CYGB: variants seen among roughly 807,000 people sequenced by gnomAD.
The protein encoded by CYGB is histoglobin.
CYGB carries 13 observed loss-of-function variants against 20.7 expected under a neutral mutation model. That is an observed-to-expected ratio of 0.63 (90% CI 0.41 to 1.00). The LOEUF is 1.00. Among genes scored for constraint, CYGB ranks in the 50% least tolerant of loss-of-function variants. The probability of loss-of-function intolerance (pLI) is 0.00; values close to 1 mark genes in which losing one functional copy is unlikely to be tolerated. For synonymous variants in CYGB, 93 were observed against 107.4 expected, an observed-to-expected ratio of 0.87 and a Z score of 0.83; for missense variants, 218 against 257.2, an observed-to-expected ratio of 0.85 and a Z score of 1.04.
chr17:76,537,305 T>C, intron 1 of CYGB, 95 bp downstream of exon 1: 1 of 1,330,700 alleles, frequency 7.5e-7, no homozygotes, highest in East Asian at 3.2e-5. Context: ...GCTGGGGAGG[T>C]GGCGCTGGAG....
At chr17:76,529,647 G>C (rs963904131) in intron 3 of CYGB, 64 of 985,276 alleles carry the variant, frequency 6.5e-5, no homozygotes, top group Non-Finnish European at 7.6e-5. Flanking sequence ...GGGGAGAGGG[G>C]TGGGAGGGCA....
chr17:76,545,350 G>A (rs976174867), intron 1 of CYGB: 1 of 456,716 alleles, frequency 2.2e-6, no homozygotes, highest in Middle Eastern at 3.3e-4. Context: ...TTAAATGGGG[G>A]AATTAAATCC....
chr17:76,543,822 C>T (rs377242069), intron 1 of CYGB: 2 of 471,096 alleles, frequency 4.2e-6, no homozygotes. Context: ...CTCATCCTGT[C>T]ACTGGCTGCT....
upstream of CYGB, chr17:76,537,725 T>C: frequency 3.4e-6 from 1 of 294,438 alleles, no homozygotes; most frequent in Non-Finnish European, 4.9e-6. Context: ...TGCGTGCGTG[T>C]GTGCAGGGTA....
At chr17:76,544,240 C>G (rs144319284) in intron 1 of CYGB, 124 of 454,466 alleles carry the variant, frequency 2.7e-4, no homozygotes, top group Non-Finnish European at 4.2e-4. Context: ...AGCCAGCCCC[C>G]CTCCCAGCCC....
chr17:76,537,282 G>T, intron 1 of CYGB, 118 bp downstream of exon 1: 1 of 1,193,680 alleles, frequency 8.4e-7, no homozygotes, highest in Non-Finnish European at 1.1e-6. Flanking sequence ...ACCTCGGACC[G>T]GCCCCATTCG....
At position 76,531,522 on chromosome 17, in the gene CYGB, C is replaced by G. The variant is rs1026660466; in HGVS notation, c.313G>C (p.Val105Leu). The G allele has an allele frequency of 6.2e-7, 1 of 1,613,982 alleles. No homozygotes were observed. Among genetic ancestry groups the G allele is most frequent in the Admixed American group, 1.7e-5 (1 of 60,006 alleles). Residue 105 changes from valine (V) to leucine (L), a missense_variant, in exon 2 of 4, where the codon GTG becomes CTG. Val to Leu is a conservative substitution (Grantham distance 32). Coordinates refer to ENST00000293230, the MANE Select transcript of CYGB (RefSeq NM_134268.5). This position sits in a 1 kb window ranked among gnomAD's most constrained non-coding sequence, Gnocchi z 7.4. ...TGGGCTTTCCCCACAAGGGCGAGCACAGAGGACACCTTGTCGGGGTCATGC... is the reference window on the plus strand; with the variant it reads ...TGGGCTTTCCCCACAAGGGCGAGCAGAGAGGACACCTTGTCGGGGTCATGC... Reference protein sequence around the residue: ...NLHDPDKVSSVLALVGKAHAL... With the variant: ...NLHDPDKVSSLLALVGKAHAL...
In CYGB at chr17:76,527,745, C is replaced by G. The variant is rs144615545; in HGVS notation, c.*833G>C. On this transcript the variant is annotated 3_prime_UTR_variant, in exon 4 of 4. Coordinates refer to ENST00000293230, the MANE Select transcript of CYGB (RefSeq NM_134268.5). ...TGGTGGCCAAGGCAGGTGGAGCTAGCGGTCGAGGTTTCTGGACTGAGGCCC... is the reference window on the plus strand; with the variant it reads ...TGGTGGCCAAGGCAGGTGGAGCTAGGGGTCGAGGTTTCTGGACTGAGGCCC... 4.4e-6 allele frequency: 2 copies of G among 453,878 alleles called. No homozygotes were observed. The highest frequency in any genetic ancestry group is 4.0e-5 in the African/African-American group (2 of 49,952). 28.1% of individuals were successfully genotyped at this position (453,878 alleles called of 1,614,324 possible).
chr17:76,527,691 C>G lies in CYGB; in HGVS notation c.*887G>C. 1 of 453,992 alleles carries G rather than the reference C, an allele frequency of 2.2e-6. No individual in the cohort carries two copies. Among genetic ancestry groups the G allele is most frequent in the Non-Finnish European group, 4.4e-6 (1 of 226,722 alleles). The allele number at this position is 453,992 out of a possible 1,614,324, so 28.1% of individuals were successfully genotyped here. ...GCATGTGGTCCCGCCGACCTGCTGC[C>G]CAGCAGCCCGGATCCCCCGGGGCTG... On this transcript the variant is annotated 3_prime_UTR_variant, in exon 4 of 4. Transcript: ENST00000293230.
intron 1 of CYGB, among the ~76,000 whole-genome samples, chr17:76,534,168 C>CTCTCTT (rs2074887538): frequency 4.1e-5 from 6 of 146,548 alleles, no homozygotes; most frequent in Non-Finnish European, 8.9e-5. Flanking sequence ...CTCTCTCTCT[C>CTCTCTT]TCTCTCTCTT....
At position 76,529,013 on chromosome 17, in the gene CYGB, C is replaced by T. The variant is rs955552268; in HGVS notation, c.540-402G>A. 37 of 995,132 alleles carry T rather than the reference C, an allele frequency of 3.7e-5. No homozygotes were observed. In the African/African-American group the frequency reaches 5.0e-4, roughly 14 times the overall value. The allele number at this position is 995,132 out of a possible 1,614,324, so 61.6% of individuals were successfully genotyped here. ...CCACCCATCTGTATTCTCGTATTCT[C>T]GGTACACACAGCGCCCCCTGCAGTC... On this transcript the variant is annotated intron_variant, in intron 3 of 3. Coordinates refer to ENST00000293230, the MANE Select transcript of CYGB (RefSeq NM_134268.5).
At chr17:76,537,218 G>A (rs1404787327) in intron 1 of CYGB, among the ~76,000 whole-genome samples, 182 bp downstream of exon 1, 2 of 152,188 alleles carry the variant, frequency 1.3e-5, no homozygotes, top group Non-Finnish European at 2.9e-5. Flanking sequence ...AGCCAGGGAA[G>A]GCTCAACCCA....
chr17:76,529,003 C>A, intron 3 of CYGB: 1 of 1,000,864 alleles, frequency 1.0e-6, no homozygotes, highest in Non-Finnish European at 1.2e-6. Context: ...CATCTGTATT[C>A]TCGTATTCTC....
chr17:76,529,801 G>T, intron 3 of CYGB: 1 of 985,316 alleles, frequency 1.0e-6, no homozygotes, highest in Non-Finnish European at 1.2e-6. Context: ...GTTTCCCATT[G>T]ACTCCCAGGT....
At chr17:76,548,250 TCA>T (rs1567915874) in intron 1 of CYGB, among the ~76,000 whole-genome samples, 1 of 151,276 alleles carries the variant, frequency 6.6e-6, no homozygotes, top group South Asian at 2.1e-4. Flanking sequence ...ATACACACAG[TCA>T]CACACACAGA....
Position 76,531,396 on chromosome 17 carries a change from T to C in CYGB, c.375+64A>G. 1 of 1,553,358 alleles carries C rather than the reference T, an allele frequency of 6.4e-7. No individual in the cohort carries two copies. Among genetic ancestry groups the C allele is most frequent in the Non-Finnish European group, 8.8e-7 (1 of 1,136,726 alleles). On this transcript the variant is annotated intron_variant, in intron 2 of 3. Coordinates refer to ENST00000293230, the MANE Select transcript of CYGB (RefSeq NM_134268.5). The surrounding 1 kb of genome is among the most constrained non-coding windows in gnomAD (Gnocchi z 7.4). Reference sequence around the variant, plus strand: ...TGCTCCAGAGAGCCGTCGCAGAGCCTGCGAGCTGCAGATGGCCATGACGCG... The same window carrying C: ...TGCTCCAGAGAGCCGTCGCAGAGCCCGCGAGCTGCAGATGGCCATGACGCG...
chr17:76,539,992 C>T (rs550914395), upstream of CYGB: 42 of 782,148 alleles, frequency 5.4e-5, no homozygotes, highest in South Asian at 6.3e-4. Context: ...GGGCCGCTGA[C>T]CCACTAATCA....
Position 76,528,184 on chromosome 17 carries a change from T to G in CYGB, c.*394A>C, listed in dbSNP as rs141338592. 4.2e-3 allele frequency: 1,688 copies of G among 397,292 alleles called. 24 individuals carry two copies. The highest frequency in any genetic ancestry group is 0.031 in the African/African-American group (1,482 of 48,572). The allele number at this position is 397,292 out of a possible 1,614,324, so 24.6% of individuals were successfully genotyped here. On this transcript the variant is annotated 3_prime_UTR_variant, in exon 4 of 4. Coordinates refer to ENST00000293230, the MANE Select transcript of CYGB (RefSeq NM_134268.5). The surrounding 1 kb of genome is among the most constrained non-coding windows in gnomAD (Gnocchi z 5.8). ...ATATAGAATATATCTGTATATATGG[T>G]AGATGTGTGCGTGATACTCTAGATG...
rs973102664 is a variant in CYGB, at chr17:76,533,289, A to G, written c.144-1598T>C. Among the ~76,000 whole-genome samples, 1 of 152,184 alleles carries G rather than the reference A, an allele frequency of 6.6e-6. No individual in the cohort carries two copies. Among genetic ancestry groups the G allele is most frequent in the Non-Finnish European group, 1.5e-5 (1 of 68,036 alleles). On this transcript the variant is annotated intron_variant, in intron 1 of 3. Coordinates refer to ENST00000293230, the MANE Select transcript of CYGB (RefSeq NM_134268.5). This position sits in a 1 kb window ranked among gnomAD's most constrained non-coding sequence, Gnocchi z 4.5. ...CCCCCGCTCACTGCTTCATGGATAC[A>G]CGGGTGAGGACACGTGAGGCGACGG...
Sources: gnomAD v4.1 joint callset for allele counts (sites outside exome capture counted in the v4.1 genomes callset) on GRCh38, gnomAD v4.1.1 for gene constraint, Gnocchi (gnomAD v3.1) non-coding constraint, MANE v1.5 for transcripts, NCBI Gene and HGNC (gene_info 2026-07-23, HGNC 2026-07-21) for gene names.